METTL23: variants seen among roughly 807,000 people sequenced by gnomAD.
METTL23 encodes histone-arginine methyltransferase METTL23.
In METTL23, 24 loss-of-function variants were observed where a neutral mutation model predicts 21.2. The observed-to-expected ratio is 1.13, with a 90% CI of 0.82 to 1.59. The LOEUF (loss-of-function observed/expected upper bound fraction) is 1.59. Among genes scored for constraint, METTL23 ranks in the 40% most tolerant of loss-of-function variants. The probability of loss-of-function intolerance (pLI) is 0.00; values close to 1 mark genes in which losing one functional copy is unlikely to be tolerated. For synonymous variants in METTL23, 97 were observed against 75.2 expected (o/e 1.29, Z -1.50); for missense variants, 276 against 221.4 (o/e 1.25, Z -1.57).
intron 4 of METTL23, 69 bp downstream of exon 4, chr17:76,733,446 T>C (rs1443725934): frequency 1.9e-6 from 3 of 1,598,476 alleles, no homozygotes; most frequent in East Asian, 2.2e-5. Flanking sequence ...ATGCGATACA[T>C]AATTTAAGAA....
Position 76,726,939 on chromosome 17 carries a change from C to A in METTL23, c.-261C>A, listed in dbSNP as rs779659502. The A allele has an allele frequency of 4.6e-5, 21 of 456,802 alleles. No homozygotes were observed. The highest frequency in any genetic ancestry group is 3.1e-4 in the South Asian group (20 of 64,570). The allele number at this position is 456,802 out of a possible 1,614,324, so 28.3% of individuals were successfully genotyped here. ...GCTCGCAGCGCGGCAGGGTTATCAC[C>A]AGATCTGGGCTTTCCCCTTCTTGCC... On this transcript the variant is annotated 5_prime_UTR_variant, in exon 1 of 5. Coordinates refer to ENST00000341249, the MANE Select transcript of METTL23 (RefSeq NM_001080510.5).
At chr17:76,732,437 G>A (rs2077252831) in intron 2 of METTL23, among the ~76,000 whole-genome samples, 1 of 152,074 alleles carries the variant, frequency 6.6e-6, no homozygotes, top group Non-Finnish European at 1.5e-5. Context: ...GGCGGGGGTT[G>A]CAGTGAGCCA....
chr17:76,729,866 C>A, intron 2 of METTL23, 72 bp downstream of exon 2: 2 of 1,087,786 alleles, frequency 1.8e-6, no homozygotes, highest in Non-Finnish European at 2.7e-6. Context: ...GTGTATATTG[C>A]TTGTTTTTAG....
Position 76,729,843 on chromosome 17 carries a change from G to A in METTL23, c.84+49G>A, listed in dbSNP as rs537419468. The stretch of plus-strand genomic sequence containing the variant: ...AGAGTTCTAGGTTATGTTCAGATGT[G>A]TTAAGTTGACATGTGTATATTGCTT... On this transcript the variant is annotated intron_variant, in intron 2 of 4. Transcript: ENST00000341249. 8 of 1,370,748 alleles carry A rather than the reference G, an allele frequency of 5.8e-6. No individual in the cohort carries two copies. The Admixed American group carries it at 1.4e-4, about 24-fold the overall frequency. The allele number at this position is 1,370,748 out of a possible 1,614,324, so 84.9% of individuals were successfully genotyped here.
chr17:76,732,892 A>G (rs982817768), intron 2 of METTL23, 86 bp from the exon 3 acceptor site: 11 of 1,135,674 alleles, frequency 9.7e-6, no homozygotes, highest in Admixed American at 2.1e-5. Flanking sequence ...TTAAAAATGC[A>G]AGAATATAAT....
At chr17:76,726,629 A>G, upstream of METTL23, 1 of 1,027,634 alleles carries the variant, frequency 9.7e-7, no homozygotes, top group Non-Finnish European at 1.3e-6. Context: ...CAGAAAATTC[A>G]CTCCCCAGCC....
At chr17:76,726,571 G>A (rs909158327), upstream of METTL23, 4 of 1,448,062 alleles carry the variant, frequency 2.8e-6, no homozygotes, top group Admixed American at 2.4e-5. Context: ...GGCGACGGCA[G>A]TACCCAAACG....
At position 76,732,987 on chromosome 17, in the gene METTL23, GGAGT is replaced by G; in HGVS notation, c.98_101del (p.Val33AlafsTer14). 1.3e-6 allele frequency: 2 copies of G among 1,573,778 alleles called. No individual in the cohort carries two copies. Among genetic ancestry groups the G allele is most frequent in the Non-Finnish European group, 1.7e-6 (2 of 1,158,246 alleles). On this transcript the variant is annotated frameshift_variant, in exon 3 of 5. Coordinates refer to ENST00000341249, the MANE Select transcript of METTL23 (RefSeq NM_001080510.5). LOFTEE classifies it high-confidence loss of function. ...TTTCATAACTTATTAGATTGGAGCT[GGAGT>G]GAGCCTTCCAGGAATTTTGGCTGCC...
At chr17:76,733,431 T>TACC (rs756110603) in intron 4 of METTL23, 54 bp downstream of exon 4, 1 of 1,599,314 alleles carries the variant, frequency 6.3e-7, no homozygotes, top group Non-Finnish European at 8.5e-7. Context: ...TACTCTACCC[T>TACC]ACCCATGCGA....
Position 76,733,143 on chromosome 17 carries a change from A to T in METTL23, c.250A>T (p.Ile84Leu). ...LQVVGLTWGH[I>L]SWDLLALPPQ... ...GGTGGTAGGACTAACATGGGGTCAT[A>T]TATCTTGGGATCTTCTGGCTCTACC... The change falls in exon 3 of 5, where the codon ATA becomes TTA. Residue 84 changes from isoleucine to leucine, a missense_variant. Ile to Leu is a conservative substitution (Grantham distance 5). Transcript: ENST00000341249. The T allele has an allele frequency of 1.2e-6, 2 of 1,613,914 alleles. No homozygotes were observed. The highest frequency in any genetic ancestry group is 8.5e-7 in the Non-Finnish European group (1 of 1,179,866).
At chr17:76,726,260 G>A (rs1598388235), upstream of METTL23, 16 of 1,456,980 alleles carry the variant, frequency 1.1e-5, no homozygotes, top group South Asian at 4.0e-5. Context: ...GGCGCTCGGG[G>A]CGAGGGCAGC....
upstream of METTL23, among the ~76,000 whole-genome samples, chr17:76,726,181 C>G (rs1346883293): frequency 6.6e-6 from 1 of 152,252 alleles, no homozygotes; most frequent in Non-Finnish European, 1.5e-5. Flanking sequence ...GGAAGCAGAC[C>G]CGCCCCGGAA....
chr17:76,729,824 C>G, intron 2 of METTL23, 30 bp downstream of exon 2: 1 of 1,508,728 alleles, frequency 6.6e-7, no homozygotes. Flanking sequence ...TTCCAGAGTT[C>G]TAGGTTATGT....
chr17:76,730,693 C>T (rs111243427), intron 2 of METTL23, among the ~76,000 whole-genome samples: 6,370 of 152,268 alleles, frequency 0.042, 447 homozygotes, highest in African/African-American at 0.14. Context: ...TCTTGCCGGG[C>T]GCTGTGGCCC....
At position 76,727,265 on chromosome 17, in the gene METTL23, G is replaced by A. The variant is rs1316886241; in HGVS notation, c.-22+87G>A. 17 of 348,046 alleles carry A rather than the reference G, an allele frequency of 4.9e-5. No homozygotes were observed. The Admixed American group carries it at 6.5e-4, about 13-fold the overall frequency. 21.6% of individuals were successfully genotyped at this position (348,046 alleles called of 1,614,324 possible). A position where few individuals can be genotyped will look rare whatever the true frequency, so the allele number is the denominator to read the frequency against. On this transcript the variant is annotated intron_variant, in intron 1 of 4. Coordinates refer to ENST00000341249, the MANE Select transcript of METTL23 (RefSeq NM_001080510.5). Reference sequence around the variant, plus strand: ...GCTGGGTTCCTGAGGGACCGGGGGTGCGGACGCTCAGCTGCGCAGCTTCCT... The same window carrying A: ...GCTGGGTTCCTGAGGGACCGGGGGTACGGACGCTCAGCTGCGCAGCTTCCT...
In METTL23 at chr17:76,733,679, GTC is replaced by G; in HGVS notation, c.570_571del (p.Ter191AsnfsTer45). ...CTGGTCATTTCCTTTGCAAAGGACA[GTC>G]TCTGAATTATACCTACAACCTGTTC... On this transcript the variant is annotated frameshift_variant, in exon 5 of 5. Coordinates refer to ENST00000341249, the MANE Select transcript of METTL23 (RefSeq NM_001080510.5). LOFTEE classifies it high-confidence loss of function. 1 of 1,612,668 alleles carries G rather than the reference GTC, an allele frequency of 6.2e-7. No homozygotes were observed. The highest frequency in any genetic ancestry group is 1.1e-5 in the South Asian group (1 of 90,882).
At position 76,733,070 on chromosome 17, in the gene METTL23, G is replaced by C. The variant is rs2077297784; in HGVS notation, c.177G>C (p.Leu59=). 1 of 1,608,488 alleles carries C rather than the reference G, an allele frequency of 6.2e-7. No individual in the cohort carries two copies. The highest frequency in any genetic ancestry group is 1.3e-5 in the African/African-American group (1 of 74,874). The change falls in exon 3 of 5, where the codon CTG becomes CTC. Residue 59 remains leucine (L), a synonymous_variant. Transcript: ENST00000341249. The part of the protein sequence containing the change: ...LSDSSELPHC[L]EVCRQSCQMN... Reference sequence around the variant, plus strand: ...ACAGCTCAGAACTGCCTCACTGTCTGGAAGTCTGTCGGCAAAGCTGCCAAA... The same window carrying C: ...ACAGCTCAGAACTGCCTCACTGTCTCGAAGTCTGTCGGCAAAGCTGCCAAA...
chr17:76,729,698 TCTCCA>T lies in METTL23; in HGVS notation c.-12_-8del. 6.3e-7 allele frequency: 1 copy of T among 1,581,988 alleles called. No homozygotes were observed. On this transcript the variant is annotated 5_prime_UTR_variant, in exon 2 of 5. It adds an upstream start codon to the 5' untranslated region. Coordinates refer to ENST00000341249, the MANE Select transcript of METTL23 (RefSeq NM_001080510.5). Reference sequence around the variant, plus strand: ...AAAAACATTCTTTTCAGGTCCTGCATCTCCAGTATGGAATGTATGTTTGGCCCTGT... The same window carrying T: ...AAAAACATTCTTTTCAGGTCCTGCATGTATGGAATGTATGTTTGGCCCTGT...
intron 2 of METTL23, among the ~76,000 whole-genome samples, chr17:76,730,205 C>CT (rs1568010979): frequency 6.6e-6 from 1 of 151,702 alleles, no homozygotes; most frequent in Non-Finnish European, 1.5e-5. Flanking sequence ...AACAGAATTG[C>CT]TTGAACCCTG....
Sources: allele counts gnomAD v4.1 joint callset (sites outside exome capture counted in the v4.1 genomes callset), GRCh38; gene constraint gnomAD v4.1.1; transcripts MANE v1.5; gene names NCBI Gene and HGNC (gene_info 2026-07-23, HGNC 2026-07-21).